Variants in RAB6A observed in about 807,000 individuals in gnomAD.
The protein encoded by RAB6A is RAB6A, member RAS oncogene family.
Under a neutral mutation model 32.3 loss-of-function variants are expected in RAB6A, and 8 were observed. That is an observed-to-expected ratio of 0.25 (90% confidence interval 0.15 to 0.45). The LOEUF (loss-of-function observed/expected upper bound fraction) is 0.45. Ranked by LOEUF, RAB6A falls within the 20% of genes least tolerant of loss-of-function variation. The probability of loss-of-function intolerance (pLI) is 1.00; values close to 1 mark genes in which losing one functional copy is unlikely to be tolerated. For synonymous variants in RAB6A, 73 were observed against 82.1 expected (o/e 0.89, Z 0.60); for missense variants, 104 against 249.4 (o/e 0.42, Z 3.93).
chr11:73,719,511 A>G (rs1317911453), intron 3 of RAB6A, among the ~76,000 whole-genome samples: 1 of 152,260 alleles, frequency 6.6e-6, no homozygotes, highest in East Asian at 1.9e-4. Flanking sequence ...GCAGCCCTAC[A>G]TAAAAATGTC....
At chr11:73,734,312 G>C (rs902437506) in intron 1 of RAB6A, among the ~76,000 whole-genome samples, 5 of 152,094 alleles carry the variant, frequency 3.3e-5, no homozygotes, top group African/African-American at 1.2e-4. Flanking sequence ...TTTTAGTAGA[G>C]ACAGAGTTTC....
chr11:73,695,332 A>G (rs981605341), intron 6 of RAB6A, among the ~76,000 whole-genome samples: 5 of 151,810 alleles, frequency 3.3e-5, no homozygotes, highest in Admixed American at 6.6e-5. Flanking sequence ...TACAGTTTGT[A>G]ATACTTAAAA....
intron 1 of RAB6A, among the ~76,000 whole-genome samples, chr11:73,739,280 A>ATAC (rs1389085059): frequency 7.6e-4 from 14 of 18,420 alleles, no homozygotes; most frequent in Admixed American, 5.7e-3. Flanking sequence ...AAAAAAAAAA[A>ATAC]AAAAATATAT....
chr11:73,684,645 G>A (rs1009287995), intron 6 of RAB6A, among the ~76,000 whole-genome samples: 5 of 152,150 alleles, frequency 3.3e-5, no homozygotes, highest in Non-Finnish European at 1.5e-5. Context: ...CCTGTATGCA[G>A]TTTTGGCCTC....
chr11:73,703,239 T>A (rs908084645), intron 6 of RAB6A, among the ~76,000 whole-genome samples: 3 of 152,118 alleles, frequency 2.0e-5, no homozygotes, highest in African/African-American at 7.2e-5. Flanking sequence ...GAAGGGCAAT[T>A]CTCCAAGTAA....
At position 73,714,205 on chromosome 11, in the gene RAB6A, A is replaced by T. The variant is rs1441905116; in HGVS notation, c.401+2046T>A. 8.6e-3 allele frequency among the ~76,000 whole-genome samples: 543 copies of T among 62,822 alleles called. 4 individuals carry two copies. The highest frequency in any genetic ancestry group is 0.019 in the African/African-American group (328 of 17,390). The allele number at this position is 62,822 out of a possible 152,430, so 41.2% of individuals were successfully genotyped here. On this transcript the variant is annotated intron_variant, in intron 5 of 7. Transcript: ENST00000336083. The stretch of plus-strand genomic sequence containing the variant: ...AGAACTCCATCTCAAAAAAAAAAAA[A>T]AAAAATATATATATATATATATATA...
chr11:73,709,751 AAAT>A (rs1945911826), intron 5 of RAB6A, among the ~76,000 whole-genome samples: 1 of 149,488 alleles, frequency 6.7e-6, no homozygotes, highest in South Asian at 2.1e-4. Context: ...CTCCTGGTTT[AAAT>A]CTTTTCAGTA....
Position 73,761,006 on chromosome 11 carries a change from T to C in RAB6A, c.-371A>G, listed in dbSNP as rs1006445342. The stretch of plus-strand genomic sequence containing the variant: ...GCGGAGCCGGAACCGCAGACGTATC[T>C]GGGACCTCTCACGCGCAGCGCCTGA... On this transcript the variant is annotated 5_prime_UTR_variant, in exon 1 of 8. Coordinates refer to ENST00000336083, the MANE Select transcript of RAB6A (RefSeq NM_198896.2). 9 of 199,666 alleles carry C rather than the reference T, an allele frequency of 4.5e-5. No individual in the cohort carries two copies. Among genetic ancestry groups the C allele is most frequent in the Admixed American group, 1.8e-4 (3 of 16,306 alleles). The allele number at this position is 199,666 out of a possible 1,614,324, so 12.4% of individuals were successfully genotyped here.
chr11:73,747,746 A>G (rs1946613661), intron 1 of RAB6A, among the ~76,000 whole-genome samples: 1 of 152,084 alleles, frequency 6.6e-6, no homozygotes, highest in African/African-American at 2.4e-5. Flanking sequence ...TGACATGGAC[A>G]CTTTCAAATA....
intron 1 of RAB6A, among the ~76,000 whole-genome samples, chr11:73,747,257 G>C (rs1164687522): frequency 1.3e-5 from 2 of 150,922 alleles, no homozygotes; most frequent in Non-Finnish European, 2.9e-5. Flanking sequence ...CCAGGCTGGA[G>C]TGCAGTGGTG....
intron 6 of RAB6A, among the ~76,000 whole-genome samples, chr11:73,688,150 C>T (rs1020338351): frequency 1.2e-4 from 18 of 152,326 alleles, no homozygotes; most frequent in African/African-American, 4.1e-4. Context: ...AGGAGATTCT[C>T]TGCAATTATG....
In RAB6A at chr11:73,675,958, T is replaced by C. The variant is rs901213357; in HGVS notation, c.*1940A>G. ...CAAAATAAAACAAAGAGTCAACCCTTGCCTTTAACAATTATATTGTATTAT... is the reference window on the plus strand; with the variant it reads ...CAAAATAAAACAAAGAGTCAACCCTCGCCTTTAACAATTATATTGTATTAT... On this transcript the variant is annotated 3_prime_UTR_variant, in exon 8 of 8. Transcript: ENST00000336083. 4.8e-5 allele frequency: 8 copies of C among 167,136 alleles called. No individual in the cohort carries two copies. The highest frequency in any genetic ancestry group is 3.9e-4 in the Admixed American group (6 of 15,280). 10.4% of individuals were successfully genotyped at this position (167,136 alleles called of 1,614,324 possible). A position where few individuals can be genotyped will look rare whatever the true frequency, so the allele number is the denominator to read the frequency against.
intron 5 of RAB6A, among the ~76,000 whole-genome samples, chr11:73,709,482 G>A (rs1001500288): frequency 1.6e-4 from 15 of 93,616 alleles, no homozygotes; most frequent in Admixed American, 8.5e-4. Flanking sequence ...ATTATGACTC[G>A]TGGATTTAAA....
At chr11:73,701,741 C>A (rs1305718614) in intron 6 of RAB6A, among the ~76,000 whole-genome samples, 2 of 151,312 alleles carry the variant, frequency 1.3e-5, no homozygotes, top group South Asian at 4.2e-4. Context: ...GCTGCCTCGA[C>A]CCCCTGGGCC....
In RAB6A at chr11:73,732,817, C is replaced by CT. The variant is rs530516126; in HGVS notation, c.71-1995dup. On this transcript the variant is annotated intron_variant, in intron 1 of 7. Coordinates refer to ENST00000336083, the MANE Select transcript of RAB6A (RefSeq NM_198896.2). ...GCTATCCTTTCTCCTCAGTGATTTT[C>CT]TTTTTTTTCCCCCGAGACGATGTCT... Among the ~76,000 whole-genome samples, 280 of 151,334 alleles carry CT rather than the reference C, an allele frequency of 1.9e-3. 2 individuals carry two copies. The highest frequency in any genetic ancestry group is 3.6e-3 in the Non-Finnish European group (241 of 67,828).
intron 1 of RAB6A, among the ~76,000 whole-genome samples, chr11:73,753,083 T>TA (rs1159704593): frequency 6.6e-6 from 1 of 151,954 alleles, no homozygotes; most frequent in Non-Finnish European, 1.5e-5. Flanking sequence ...CCTCGTTTGC[T>TA]AAAAAAATTT....
rs182983361 is a variant in RAB6A, at chr11:73,706,453, G to A, written c.495+967C>T. On this transcript the variant is annotated intron_variant, in intron 6 of 7. Coordinates refer to ENST00000336083, the MANE Select transcript of RAB6A (RefSeq NM_198896.2). The stretch of plus-strand genomic sequence containing the variant: ...GGCGTGAACCTGGGAGGTGAAGCTT[G>A]CAGTGAGCCGAGATCGCGCCACTGC... 3.4e-3 allele frequency among the ~76,000 whole-genome samples: 523 copies of A among 151,778 alleles called. 2 individuals are homozygous for A. Among genetic ancestry groups the A allele is most frequent in the Non-Finnish European group, 5.5e-3 (372 of 67,972 alleles).
At chr11:73,713,565 CAAA>C (rs61588604) in intron 5 of RAB6A, among the ~76,000 whole-genome samples, 22 of 124,790 alleles carry the variant, frequency 1.8e-4, no homozygotes, top group Admixed American at 1.6e-4. Flanking sequence ...GACTCCGTCT[CAAA>C]AAAAAAAAAA....
At chr11:73,691,636 A>G (rs1328869932) in intron 6 of RAB6A, among the ~76,000 whole-genome samples, 1 of 152,220 alleles carries the variant, frequency 6.6e-6, no homozygotes, top group Non-Finnish European at 1.5e-5. Context: ...GTTAGCTAAA[A>G]CAATAATTAA....
Sources: gnomAD v4.1 joint callset for allele counts (sites outside exome capture counted in the v4.1 genomes callset) on GRCh38, gnomAD v4.1.1 for gene constraint, MANE v1.5 for transcripts, NCBI Gene and HGNC (gene_info 2026-07-23, HGNC 2026-07-21) for gene names.